WNT2B: variants seen among roughly 807,000 people sequenced by gnomAD.
The protein encoded by WNT2B is protein Wnt-2b.
WNT2B carries 19 observed loss-of-function variants against 40.5 expected under a neutral mutation model. The observed-to-expected ratio is 0.47, with a 90% CI of 0.33 to 0.69. The LOEUF is 0.69. Ranked by LOEUF, WNT2B falls within the 30% of genes least tolerant of loss-of-function variation. The pLI, the probability that WNT2B is intolerant of heterozygous loss-of-function variation, is 0.02. For missense variants in WNT2B, 467 were observed against 556.4 expected, an observed-to-expected ratio of 0.84 and a Z score of 1.62; for synonymous variants, 220 against 211.9, an observed-to-expected ratio of 1.04 and a Z score of -0.33.
At position 112,524,169 on chromosome 1, in the gene WNT2B, C is replaced by G. The variant is rs1653064356; in HGVS notation, c.*3660C>G. On this transcript the variant is annotated 3_prime_UTR_variant, in exon 5 of 5. Transcript: ENST00000369684. ...TGTCTCACTTCCCTTATCAAGAACA[C>G]CAACCAGTAAGTCTTTGCCAAATTC... is the stretch of plus-strand genomic sequence containing the variant. 6.6e-6 allele frequency: 1 copy of G among 152,576 alleles called. No individual in the cohort carries two copies. Among genetic ancestry groups the G allele is most frequent in the African/African-American group, 2.4e-5 (1 of 41,436 alleles). The allele number at this position is 152,576 out of a possible 1,614,324, so 9.5% of individuals were successfully genotyped here.
intron 1 of WNT2B, among the ~76,000 whole-genome samples, chr1:112,470,534 G>A (rs1650848201): frequency 6.6e-6 from 1 of 152,196 alleles, no homozygotes; most frequent in Non-Finnish European, 1.5e-5. Context: ...GTTGCAGTGA[G>A]TCAAGATCAC....
intron 1 of WNT2B, among the ~76,000 whole-genome samples, chr1:112,470,883 G>A (rs979506406): frequency 2.3e-5 from 3 of 129,992 alleles, no homozygotes; most frequent in Admixed American, 7.8e-5. Flanking sequence ...GGGCAAGGTC[G>A]CTCTCACAGG....
At position 112,512,681 on chromosome 1, in the gene WNT2B, A is replaced by G. The variant is rs574937917; in HGVS notation, c.183-2193A>G. Among the ~76,000 whole-genome samples, 3 of 152,302 alleles carry G rather than the reference A, an allele frequency of 2.0e-5. No homozygotes were observed. In the East Asian group the frequency reaches 5.8e-4, roughly 29 times the overall value. ...GACCGTGAGGTGGGAGATGCCTTAA[A>G]TATCTTTGTGTCCCTGACATCTGAG... On this transcript the variant is annotated intron_variant, in intron 1 of 4. Coordinates refer to ENST00000369684, the MANE Select transcript of WNT2B (RefSeq NM_024494.3).
intron 1 of WNT2B, among the ~76,000 whole-genome samples, chr1:112,501,560 T>G (rs1651956487): frequency 6.6e-6 from 1 of 152,216 alleles, no homozygotes; most frequent in Non-Finnish European, 1.5e-5. Flanking sequence ...TATTTAATTT[T>G]ATGCTTTGGG....
rs569433808 is a variant in WNT2B, at chr1:112,528,782, A to G, written c.*8273A>G. On this transcript the variant is annotated 3_prime_UTR_variant, in exon 5 of 5. Coordinates refer to ENST00000369684, the MANE Select transcript of WNT2B (RefSeq NM_024494.3). ...CTACATATTCTACTTGGTATATTGA[A>G]TTTTTGCAGCTAGCAGATTTATCGT... The G allele has an allele frequency of 6.6e-6, 1 of 152,332 alleles. No individual in the cohort carries two copies. The highest frequency in any genetic ancestry group is 1.9e-4 in the East Asian group (1 of 5,190). The allele number at this position is 152,332 out of a possible 1,614,324, so 9.4% of individuals were successfully genotyped here.
chr1:112,474,291 G>T (rs1024724606), intron 1 of WNT2B, among the ~76,000 whole-genome samples: 1 of 149,154 alleles, frequency 6.7e-6, no homozygotes, highest in East Asian at 2.0e-4. Flanking sequence ...GACTACAGGT[G>T]TGAGCCACCA....
chr1:112,479,452 T>C (rs1197923882), intron 1 of WNT2B, among the ~76,000 whole-genome samples: 1 of 151,472 alleles, frequency 6.6e-6, no homozygotes, highest in Non-Finnish European at 1.5e-5. Flanking sequence ...CAGGCACCTG[T>C]AATCCCAGCT....
Position 112,503,959 on chromosome 1 carries a change from C to T in WNT2B, c.-94-10915C>T, listed in dbSNP as rs142206501. Among the ~76,000 whole-genome samples the T allele has an allele frequency of 2.0e-3, 298 of 152,218 alleles. 1 individual carries two copies. Among genetic ancestry groups the T allele is most frequent in the Non-Finnish European group, 2.9e-3 (194 of 68,006 alleles). ...AGAGTGGGAGGGAGGCAGGCCATGC[C>T]CTCTGCAGATATTTGTCCATTGGAA... On this transcript the variant is annotated intron_variant, in intron 1 of 4. Coordinates refer to the WNT2B transcript ENST00000256640.
At position 112,517,327 on chromosome 1, in the gene WNT2B, G is replaced by A. The variant is rs752442967; in HGVS notation, c.888G>A (p.Arg296=). 6.2e-6 allele frequency: 10 copies of A among 1,613,770 alleles called. No homozygotes were observed. The Admixed American group carries it at 1.7e-4, about 27-fold the overall frequency. Residue 296 remains arginine, a synonymous_variant, in exon 4 of 5, where the codon CGG becomes CGA. Coordinates refer to ENST00000369684, the MANE Select transcript of WNT2B (RefSeq NM_024494.3). ...AARQGYRRAT[R]TDLVYFDNSP... is the part of the protein sequence containing the mutation. The stretch of plus-strand genomic sequence containing the variant: ...GCCAAGGCTATCGCCGTGCCACCCG[G>A]ACTGATCTTGTCTACTTTGACAACT...
At position 112,526,158 on chromosome 1, in the gene WNT2B, C is replaced by T. The variant is rs763396109; in HGVS notation, c.*5649C>T. ...AAAATGTTCAAGCCCTGTAGGAGTC[C>T]CAGGACAGCCAAGAGAGTATATCTG... is the stretch of plus-strand genomic sequence containing the variant. On this transcript the variant is annotated 3_prime_UTR_variant, in exon 5 of 5. Transcript: ENST00000369684. The T allele has an allele frequency of 2.4e-4, 390 of 1,612,252 alleles. 6 individuals are homozygous for T. The South Asian group carries it at 4.1e-3, about 17-fold the overall frequency.
In WNT2B at chr1:112,529,674, A is replaced by G. The variant is rs1654042095; in HGVS notation, c.*9165A>G. On this transcript the variant is annotated 3_prime_UTR_variant, in exon 5 of 5. Coordinates refer to ENST00000369684, the MANE Select transcript of WNT2B (RefSeq NM_024494.3). ...GGGAAATGTTATTGCTCAAAATGCA[A>G]TTTTAAAAAATTCAATATGGAACTT... 1 of 151,862 alleles carries G rather than the reference A, an allele frequency of 6.6e-6. No individual in the cohort carries two copies. Among genetic ancestry groups the G allele is most frequent in the Non-Finnish European group, 1.5e-5 (1 of 67,986 alleles). The allele number at this position is 151,862 out of a possible 1,614,324, so 9.4% of individuals were successfully genotyped here. A position where few individuals can be genotyped will look rare whatever the true frequency, so the allele number is the denominator to read the frequency against.
At chr1:112,494,801 A>C (rs1157947971) in intron 1 of WNT2B, among the ~76,000 whole-genome samples, 1 of 151,544 alleles carries the variant, frequency 6.6e-6, no homozygotes, top group Non-Finnish European at 1.5e-5. Context: ...AGAAACGTGG[A>C]TCTACTTAAA....
At chr1:112,497,915 CT>C (rs111316479) in intron 1 of WNT2B, among the ~76,000 whole-genome samples, 6,168 of 145,452 alleles carry the variant, frequency 0.042, 393 homozygotes, top group African/African-American at 0.14. Flanking sequence ...GTTCATCACT[CT>C]TTTTTTTTTT....
Position 112,509,451 on chromosome 1 carries a change from G to T in WNT2B, c.182+7G>T. ...GCGTAGACACGTCCTGGTGGTAAGT[G>T]TGGCTCTCAGGCTGGGCGGGTGAGG... On this transcript the variant is annotated splice_region_variant and intron_variant, in intron 1 of 4. Transcript: ENST00000369684. This position sits in a 1 kb window ranked among gnomAD's most constrained non-coding sequence, Gnocchi z 4.2. 4.4e-6 allele frequency: 7 copies of T among 1,574,700 alleles called. No individual in the cohort carries two copies. Among genetic ancestry groups the T allele is most frequent in the Non-Finnish European group, 6.0e-6 (7 of 1,170,272 alleles).
intron 4 of WNT2B, among the ~76,000 whole-genome samples, chr1:112,519,401 C>T (rs2101097601): frequency 6.6e-6 from 1 of 152,256 alleles, no homozygotes; most frequent in African/African-American, 2.4e-5. Context: ...CGTTTTGAAC[C>T]TAGGCTAGTC....
At chr1:112,512,375 T>C (rs537674913) in intron 1 of WNT2B, among the ~76,000 whole-genome samples, 1 of 152,284 alleles carries the variant, frequency 6.6e-6, no homozygotes, top group African/African-American at 2.4e-5. Context: ...CATGTGAGGA[T>C]CATGGTGAAA....
chr1:112,495,660 A>G (rs1651741370), intron 1 of WNT2B, among the ~76,000 whole-genome samples: 1 of 152,214 alleles, frequency 6.6e-6, no homozygotes, highest in Non-Finnish European at 1.5e-5. Flanking sequence ...CACCAATTTG[A>G]TGACAGAGAT....
Position 112,528,636 on chromosome 1 carries a change from G to A in WNT2B, c.*8127G>A, listed in dbSNP as rs976534262. The A allele has an allele frequency of 1.3e-5, 2 of 152,180 alleles. No homozygotes were observed. Among genetic ancestry groups the A allele is most frequent in the African/African-American group, 4.8e-5 (2 of 41,440 alleles). The allele number at this position is 152,180 out of a possible 1,614,324, so 9.4% of individuals were successfully genotyped here. ...GTGATACATTAATGTAGGCTTACAG[G>A]CCCAGAACCTGGCATAAATCAAGCC... On this transcript the variant is annotated 3_prime_UTR_variant, in exon 5 of 5. Transcript: ENST00000369684.
At chr1:112,482,869 G>A (rs1287934232) in intron 1 of WNT2B, among the ~76,000 whole-genome samples, 3 of 152,148 alleles carry the variant, frequency 2.0e-5, no homozygotes, top group Admixed American at 2.0e-4. Flanking sequence ...ACTACCCAAA[G>A]TGATCTACAG....
Sources: gnomAD v4.1 joint callset for allele counts (sites outside exome capture counted in the v4.1 genomes callset) on GRCh38, gnomAD v4.1.1 for gene constraint, Gnocchi (gnomAD v3.1) non-coding constraint, MANE v1.5 for transcripts, NCBI Gene and HGNC (gene_info 2026-07-23, HGNC 2026-07-21) for gene names.